SLC12A3: variants seen among roughly 807,000 people sequenced by gnomAD.
SLC12A3 encodes the protein Na-Cl cotransporter.
Under a neutral mutation model 121.0 loss-of-function variants are expected in SLC12A3, and 104 were observed. The observed-to-expected ratio is 0.86, with a 90% CI of 0.73 to 1.01. The LOEUF (loss-of-function observed/expected upper bound fraction) is 1.01. Ranked by LOEUF, SLC12A3 falls within the 50% of genes least tolerant of loss-of-function variation. SLC12A3 has a pLI of 0.00. For missense variants in SLC12A3, 1,328 were observed against 1,356.3 expected, an observed-to-expected ratio of 0.98 and a Z score of 0.33; for synonymous variants, 536 against 533.4, an observed-to-expected ratio of 1.00 and a Z score of -0.07.
intron 6 of SLC12A3, among the ~76,000 whole-genome samples, chr16:56,871,754 G>A (rs954872938): frequency 7.2e-5 from 11 of 151,838 alleles, no homozygotes; most frequent in Non-Finnish European, 1.0e-4. Flanking sequence ...ATGGAGTCTC[G>A]TTCTGTCACC....
Position 56,869,845 on chromosome 16 carries a change from C to T in SLC12A3, c.601+21C>T, listed in dbSNP as rs199852748. 2,845 of 1,599,658 alleles carry T rather than the reference C, an allele frequency of 1.8e-3. 11 individuals are homozygous for T. The highest frequency in any genetic ancestry group is 1.7e-3 in the Non-Finnish European group (1,987 of 1,166,950). ...GTCAGGTGGGCCATCCCCCTTTCCA[C>T]CAAGGCCCTCCTCTCGTGGGCTCCT... On this transcript the variant is annotated intron_variant, in intron 4 of 25. Transcript: ENST00000563236.
chr16:56,907,368 G>A (rs2055622218), intron 25 of SLC12A3, among the ~76,000 whole-genome samples: 1 of 152,022 alleles, frequency 6.6e-6, no homozygotes, highest in Admixed American at 6.5e-5. Flanking sequence ...TGAGACAGGA[G>A]AATTGCTTGA....
intron 25 of SLC12A3, among the ~76,000 whole-genome samples, chr16:56,912,534 G>C (rs578190901): frequency 1.3e-5 from 2 of 152,168 alleles, no homozygotes; most frequent in Non-Finnish European, 2.9e-5. Context: ...GCCACAGGCT[G>C]GCACAGGGCT....
intron 2 of SLC12A3, among the ~76,000 whole-genome samples, chr16:56,867,879 C>T (rs1964397225): frequency 6.6e-6 from 1 of 152,234 alleles, no homozygotes; most frequent in Non-Finnish European, 1.5e-5. Context: ...AAGTCACAGC[C>T]ACCTGAGCTC....
intron 14 of SLC12A3, 34 bp downstream of exon 14, chr16:56,884,238 TC>T: frequency 6.2e-7 from 1 of 1,611,404 alleles, no homozygotes. Context: ...TCGGCCCTCC[TC>T]CCCCAGGGTA....
rs1269203883 is a variant in SLC12A3, at chr16:56,872,803, C to A, written c.1095+17C>A. ...GACCTCAAGGTGAGCAGAATACTTGCCCCTCCTGTGTCCTGGCACTGCACA... is the reference window on the plus strand; with the variant it reads ...GACCTCAAGGTGAGCAGAATACTTGACCCTCCTGTGTCCTGGCACTGCACA... On this transcript the variant is annotated intron_variant, in intron 8 of 25. Transcript: ENST00000563236. 3 of 1,613,898 alleles carry A rather than the reference C, an allele frequency of 1.9e-6. No individual in the cohort carries two copies. The highest frequency in any genetic ancestry group is 1.3e-5 in the African/African-American group (1 of 74,952).
intron 22 of SLC12A3, among the ~76,000 whole-genome samples, chr16:56,895,956 T>G (rs1343530142): frequency 1.3e-5 from 2 of 152,066 alleles, no homozygotes; most frequent in Admixed American, 1.3e-4. Context: ...CTAATGCCAC[T>G]GCTGATCTGA....
Position 56,911,664 on chromosome 16 carries a change from A to C in SLC12A3, c.2925-1600A>C, listed in dbSNP as rs545125611. The stretch of plus-strand genomic sequence containing the variant: ...AGGAGGGTAGGGCTTGTCCCAGGTG[A>C]AGCTTTGTGGATGGAACTTCCAAGT... On this transcript the variant is annotated intron_variant, in intron 25 of 25. Transcript: ENST00000563236. Among the ~76,000 whole-genome samples the C allele has an allele frequency of 3.1e-4, 41 of 131,770 alleles. 1 individual carries two copies. Among genetic ancestry groups the C allele is most frequent in the African/African-American group, 1.3e-3 (40 of 30,674 alleles). 86.4% of individuals were successfully genotyped at this position (131,770 alleles called of 152,430 possible). A position where few individuals can be genotyped will look rare whatever the true frequency, so the allele number is the denominator to read the frequency against.
chr16:56,909,549 C>G (rs563730398), intron 25 of SLC12A3, among the ~76,000 whole-genome samples: 4 of 152,106 alleles, frequency 2.6e-5, no homozygotes, highest in Admixed American at 6.5e-5. Context: ...GGGCGTCCCA[C>G]CCCATGCCAG....
intron 14 of SLC12A3, 103 bp downstream of exon 14, chr16:56,884,307 G>A: frequency 8.4e-7 from 1 of 1,189,012 alleles, no homozygotes; most frequent in Non-Finnish European, 1.2e-6. Context: ...CCGGCTCTGT[G>A]CTGTCCAGGG....
chr16:56,904,215 C>A lies in SLC12A3; in HGVS notation c.2857-180C>A, dbSNP rs765104658. 3 of 632,324 alleles carry A rather than the reference C, an allele frequency of 4.7e-6. No homozygotes were observed. In the South Asian group the frequency reaches 4.9e-5, roughly 10 times the overall value. The allele number at this position is 632,324 out of a possible 1,614,324, so 39.2% of individuals were successfully genotyped here. Reference sequence around the variant, plus strand: ...CTTGGAGGAGGTGAGCTTGGTGCTCCATTACTCTGAGGGTCCCCTTCTTCC... The same window carrying A: ...CTTGGAGGAGGTGAGCTTGGTGCTCAATTACTCTGAGGGTCCCCTTCTTCC... On this transcript the variant is annotated intron_variant, in intron 24 of 25. Coordinates refer to ENST00000563236, the MANE Select transcript of SLC12A3 (RefSeq NM_001126108.2).
intron 8 of SLC12A3, 30 bp from the exon 9 acceptor site, chr16:56,878,047 C>CCTCCCTCT (rs771519317): frequency 8.5e-5 from 56 of 661,354 alleles, no homozygotes; most frequent in Non-Finnish European, 1.4e-4. Context: ...TCCCTCCCTC[C>CCTCCCTCT]CTCCCTCCCT....
In SLC12A3 at chr16:56,890,257, ACCT is replaced by A. The variant is rs1308915653; in HGVS notation, c.2286-12_2286-10del. Reference sequence around the variant, plus strand: ...GGAGCTGGGGGAGAAGCTGGACCTCACCTCCTCTCTTTCCAGTGATGCCTTTGA... The same window carrying A: ...GGAGCTGGGGGAGAAGCTGGACCTCACCTCTCTTTCCAGTGATGCCTTTGA... On this transcript the variant is annotated splice_polypyrimidine_tract_variant and intron_variant, in intron 18 of 25. Coordinates refer to ENST00000563236, the MANE Select transcript of SLC12A3 (RefSeq NM_001126108.2). 1.9e-6 allele frequency: 3 copies of A among 1,610,086 alleles called. No homozygotes were observed. Among genetic ancestry groups the A allele is most frequent in the South Asian group, 1.1e-5 (1 of 91,000 alleles).
At chr16:56,868,865 C>A (rs988359727) in intron 3 of SLC12A3, among the ~76,000 whole-genome samples, 1 of 151,834 alleles carries the variant, frequency 6.6e-6, no homozygotes, top group Non-Finnish European at 1.5e-5. Flanking sequence ...CCCAGCTACT[C>A]GGGAGGCTGA....
chr16:56,882,430 C>A lies in SLC12A3; in HGVS notation c.1602C>A (p.Asn534Lys), dbSNP rs1313617697. 3 of 1,614,056 alleles carry A rather than the reference C, an allele frequency of 1.9e-6. No homozygotes were observed. In the African/African-American group the frequency reaches 4.0e-5, roughly 22 times the overall value. ...ACACCATAGCCCCCATCATTTCCAA[C>A]TTCTTCCTCTGCTCCTATGCCCTCA... Reference protein sequence around the residue: ...ELNTIAPIISNFFLCSYALIN... With the variant: ...ELNTIAPIISKFFLCSYALIN... The change falls in exon 13 of 26, where the codon AAC becomes AAA. Residue 534 changes from asparagine (N) to lysine (K), a missense_variant. Coordinates refer to ENST00000563236, the MANE Select transcript of SLC12A3 (RefSeq NM_001126108.2).
At chr16:56,890,866 C>T (rs929439726) in intron 19 of SLC12A3, among the ~76,000 whole-genome samples, 2 of 148,554 alleles carry the variant, frequency 1.3e-5, no homozygotes, top group African/African-American at 5.0e-5. Context: ...CGCGCCATTG[C>T]ACTCCATCCT....
chr16:56,906,065 T>G (rs1451925084), intron 25 of SLC12A3, among the ~76,000 whole-genome samples: 1 of 151,720 alleles, frequency 6.6e-6, no homozygotes, highest in Admixed American at 6.6e-5. Flanking sequence ...ATACAACCCA[T>G]TCCCAGACTT....
At chr16:56,901,090 G>A (rs1420914792) in intron 23 of SLC12A3, among the ~76,000 whole-genome samples, 1 of 152,122 alleles carries the variant, frequency 6.6e-6, no homozygotes, top group Non-Finnish European at 1.5e-5. Flanking sequence ...ACTTGACAGT[G>A]ATCCTTCTTG....
Position 56,880,138 on chromosome 16 carries a change from C to G in SLC12A3, c.1452C>G (p.Cys484Trp). 5 of 1,605,918 alleles carry G rather than the reference C, an allele frequency of 3.1e-6. No homozygotes were observed. Among genetic ancestry groups the G allele is most frequent in the Non-Finnish European group, 4.2e-6 (5 of 1,177,354 alleles). ...GGCATCTGGTGCTGCAGTGCCTTTG[C>G]GAGGACCAGCTGTACCCACTGATCG... is the stretch of plus-strand genomic sequence containing the variant. ...VSAAKVFQCL[C>W]EDQLYPLIGF... The change falls in exon 12 of 26, where the codon TGC becomes TGG. Residue 484 changes from cysteine (C) to tryptophan (W), a missense_variant. Coordinates refer to ENST00000563236, the MANE Select transcript of SLC12A3 (RefSeq NM_001126108.2).
Sources: gnomAD v4.1 joint callset for allele counts (sites outside exome capture counted in the v4.1 genomes callset) on GRCh38, gnomAD v4.1.1 for gene constraint, MANE v1.5 for transcripts, NCBI Gene and HGNC (gene_info 2026-07-23, HGNC 2026-07-21) for gene names.